Variants in FRMPD2 observed in about 807,000 individuals in gnomAD.
FRMPD2 encodes the protein FERM and PDZ domain containing 2, also known as FERM and PDZ domain-containing protein 2.
A neutral mutation model predicts 140.1 loss-of-function variants in FRMPD2; 96 were observed. The ratio of observed to expected loss-of-function variants is 0.69; its 90% CI spans 0.58 to 0.81. FRMPD2 has a LOEUF of 0.81. FRMPD2 is among the 40% of genes least tolerant of loss of function. The probability of loss-of-function intolerance (pLI) is 0.00; values close to 1 mark genes in which losing one functional copy is unlikely to be tolerated. For synonymous variants in FRMPD2, 449 were observed against 547.6 expected (o/e 0.82, Z 2.52); for missense variants, 1,240 against 1,447.4 (o/e 0.86, Z 2.32).
intron 16 of FRMPD2, among the ~76,000 whole-genome samples, chr10:48,191,366 C>T (rs1838826967): frequency 6.6e-6 from 1 of 152,182 alleles, no homozygotes; most frequent in Non-Finnish European, 1.5e-5. Flanking sequence ...TCAACTCAGT[C>T]CTGCCTGAAT....
At chr10:48,271,217 G>T (rs1195906377) in intron 1 of FRMPD2, among the ~76,000 whole-genome samples, 1 of 152,098 alleles carries the variant, frequency 6.6e-6, no homozygotes, top group Non-Finnish European at 1.5e-5. Flanking sequence ...CTGTCCTTCT[G>T]CAGGCTCTGT....
rs1166590346 is a variant in FRMPD2 at position 48,240,411 on chromosome 10, T to C, written c.649A>G (p.Ser217Gly). 6.2e-7 allele frequency: 1 copy of C among 1,613,530 alleles called. No homozygotes were observed. The highest frequency in any genetic ancestry group is 2.2e-5 in the East Asian group (1 of 44,884). Residue 217 changes from serine to glycine, a missense_variant, in exon 6 of 29, where the codon AGC (serine) becomes GGC (glycine). By Grantham distance (56) the Ser-to-Gly change is moderately conservative. Coordinates refer to ENST00000374201, the MANE Select transcript of FRMPD2 (RefSeq NM_001018071.4). ...YLLRKRLRGT[S>G]SESPAAQAPE... is the part of the protein sequence containing the mutation. Reference sequence around the variant, plus strand: ...GCCTGTGCCGCTGGGCTCTCGCTGCTTGTCCCACGCAGCCTCTTCCTGAGC... The same window carrying C: ...GCCTGTGCCGCTGGGCTCTCGCTGCCTGTCCCACGCAGCCTCTTCCTGAGC...
intron 12 of FRMPD2, among the ~76,000 whole-genome samples, chr10:48,216,984 G>T (rs1014760767): frequency 2.0e-5 from 3 of 152,194 alleles, no homozygotes; most frequent in Non-Finnish European, 4.4e-5. Context: ...TGTCAAAAGG[G>T]CAGGGAGGAG....
chr10:48,273,304 A>G (rs745594413), intron 1 of FRMPD2, among the ~76,000 whole-genome samples: 1 of 152,078 alleles, frequency 6.6e-6, no homozygotes, highest in Non-Finnish European at 1.5e-5. Flanking sequence ...GACACGACAC[A>G]TCCTTCATTA....
chr10:48,196,251 T>C (rs948566603), intron 15 of FRMPD2, among the ~76,000 whole-genome samples: 3 of 152,060 alleles, frequency 2.0e-5, no homozygotes, highest in Admixed American at 6.5e-5. Context: ...GAGTGGGAAG[T>C]GTCTGGCATG....
intron 4 of FRMPD2, 115 bp downstream of exon 4, chr10:48,244,669 G>A: frequency 1.3e-6 from 1 of 770,432 alleles, no homozygotes; most frequent in Non-Finnish European, 2.3e-6. Flanking sequence ...AGGACCTAGA[G>A]GACGGGAGAG....
At chr10:48,173,547 C>T (rs1564414587) in intron 24 of FRMPD2, among the ~76,000 whole-genome samples, 1 of 151,876 alleles carries the variant, frequency 6.6e-6, no homozygotes, top group Non-Finnish European at 1.5e-5. Context: ...ACCCGCTGGG[C>T]CGTGGCAAGC....
chr10:48,201,268 A>G lies in FRMPD2; in HGVS notation c.1914T>C (p.Asn638=). 1 of 1,613,726 alleles carries G rather than the reference A, an allele frequency of 6.2e-7. No homozygotes were observed. The change falls in exon 15 of 29, where the codon AAT becomes AAC. Residue 638 remains asparagine (N), a synonymous_variant. Coordinates refer to ENST00000374201, the MANE Select transcript of FRMPD2 (RefSeq NM_001018071.4). ...LDLCSAQHGF[N]AQMGSGQPSH... is the part of the protein sequence containing the mutation. ...AAGGCTGCCCAGAGCCCATCTGTGCATTAAACCCATGCTGGGCTGAGCAGA... is the reference window on the plus strand; with the variant it reads ...AAGGCTGCCCAGAGCCCATCTGTGCGTTAAACCCATGCTGGGCTGAGCAGA...
At chr10:48,183,125 T>C (rs1471010977) in intron 20 of FRMPD2, among the ~76,000 whole-genome samples, 1 of 152,190 alleles carries the variant, frequency 6.6e-6, no homozygotes, top group East Asian at 1.9e-4. Context: ...AGAGCATGCA[T>C]GCAGAAGTGT....
At chr10:48,265,760 G>C (rs1469718764) in intron 1 of FRMPD2, among the ~76,000 whole-genome samples, 1 of 152,184 alleles carries the variant, frequency 6.6e-6, no homozygotes, top group Admixed American at 6.5e-5. Context: ...TTAATACATT[G>C]TTGGTGGGAG....
rs532123832 is a variant in FRMPD2, at chr10:48,175,566, T to C, written c.2989+280A>G. On this transcript the variant is annotated intron_variant, in intron 23 of 28. Transcript: ENST00000374201. ...CCAAGGGAAGCAGTATGTTTTCCCATGGAGGCCAAAGAGCAACACAAGTCT... is the reference window on the plus strand; with the variant it reads ...CCAAGGGAAGCAGTATGTTTTCCCACGGAGGCCAAAGAGCAACACAAGTCT... 8.3e-3 allele frequency among the ~76,000 whole-genome samples: 1,256 copies of C among 151,786 alleles called. 5 individuals are homozygous for C. Among genetic ancestry groups the C allele is most frequent in the Middle Eastern group, 0.017 (5 of 294 alleles).
At chr10:48,194,041 G>T (rs11101254) in intron 15 of FRMPD2, among the ~76,000 whole-genome samples, 6,688 of 152,292 alleles carry the variant, frequency 0.044, 509 homozygotes, top group African/African-American at 0.15. Flanking sequence ...TGCACAAATT[G>T]CATAGTATCT....
At chr10:48,193,588 A>C (rs914026531) in intron 15 of FRMPD2, among the ~76,000 whole-genome samples, 1 of 152,216 alleles carries the variant, frequency 6.6e-6, no homozygotes, top group African/African-American at 2.4e-5. Flanking sequence ...GGATTTGAAA[A>C]ATAGAGCTTT....
At chr10:48,188,970 C>T (rs1199884748) in intron 16 of FRMPD2, among the ~76,000 whole-genome samples, 1 of 152,114 alleles carries the variant, frequency 6.6e-6, no homozygotes, top group Non-Finnish European at 1.5e-5. Flanking sequence ...GGTGCAGTTT[C>T]AATTTGGGAA....
intron 15 of FRMPD2, among the ~76,000 whole-genome samples, chr10:48,200,547 G>A (rs1296447671): frequency 6.6e-6 from 1 of 152,198 alleles, no homozygotes; most frequent in Non-Finnish European, 1.5e-5. Context: ...ACTGTGACAG[G>A]AATAAAGTCT....
chr10:48,184,429 C>T (rs1410150823), intron 20 of FRMPD2, 137 bp downstream of exon 20: 1 of 612,876 alleles, frequency 1.6e-6, no homozygotes, highest in Non-Finnish European at 2.9e-6. Context: ...CACTACACTG[C>T]TTCTTTGCAA....
intron 1 of FRMPD2, among the ~76,000 whole-genome samples, chr10:48,260,494 C>A (rs1248992857): frequency 6.6e-6 from 1 of 152,088 alleles, no homozygotes; most frequent in Non-Finnish European, 1.5e-5. Context: ...TGATGCCTGC[C>A]CATAGCACAA....
At chr10:48,242,386 C>T (rs776241987) in intron 4 of FRMPD2, 34 bp from the exon 5 acceptor site, 3 of 1,589,010 alleles carry the variant, frequency 1.9e-6, no homozygotes, top group South Asian at 2.3e-5. Context: ...GAGGAGAGAG[C>T]AGCCAGAGCT....
intron 17 of FRMPD2, among the ~76,000 whole-genome samples, chr10:48,186,626 T>A (rs1278108869): frequency 6.6e-6 from 1 of 152,214 alleles, no homozygotes. Flanking sequence ...TCCCCAGCCA[T>A]GTGGAACTGT....
Sources: gnomAD v4.1 joint callset for allele counts (sites outside exome capture counted in the v4.1 genomes callset) on GRCh38, gnomAD v4.1.1 for gene constraint, MANE v1.5 for transcripts, NCBI Gene and HGNC (gene_info 2026-07-23, HGNC 2026-07-21) for gene names.